BORA: variants seen among roughly 807,000 people sequenced by gnomAD.
BORA encodes the protein protein aurora borealis.
Under a neutral mutation model 55.8 loss-of-function variants are expected in BORA, and 26 were observed. The ratio of observed to expected loss-of-function variants is 0.47; its 90% confidence interval spans 0.34 to 0.65. The LOEUF is 0.65. BORA is among the 30% of genes least tolerant of loss of function. The pLI is 0.01. For missense variants in BORA, 568 were observed against 671.5 expected (o/e 0.85, Z 1.70); for synonymous variants, 201 against 216.9 (o/e 0.93, Z 0.64).
Position 72,756,173 on chromosome 13 carries a change from G to GAGAATAATTCATATGTACCCTTA in BORA, c.*957_*958insAGAATAATTCATATGTACCCTTA, listed in dbSNP as rs2033465445. 2.8e-6 allele frequency: 1 copy of GAGAATAATTCATATGTACCCTTA among 355,052 alleles called. No homozygotes were observed. The highest frequency in any genetic ancestry group is 4.9e-6 in the Non-Finnish European group (1 of 204,308). The allele number at this position is 355,052 out of a possible 1,614,324, so 22.0% of individuals were successfully genotyped here. A position where few individuals can be genotyped will look rare whatever the true frequency, so the allele number is the denominator to read the frequency against. ...CTTTTAAAAACTGTCTCATTCAAAA[G>GAGAATAATTCATATGTACCCTTA]GGAATAAAGACCTGTGTTATCAATG... On this transcript the variant is annotated 3_prime_UTR_variant, in exon 12 of 12. Transcript: ENST00000390667.
chr13:72,746,227 G>C, intron 9 of BORA, 151 bp downstream of exon 9: 3 of 875,020 alleles, frequency 3.4e-6, no homozygotes, highest in South Asian at 3.7e-5. Flanking sequence ...TAAAAGAACA[G>C]TTTACCTTCA....
At chr13:72,746,441 A>T in intron 9 of BORA, 60 bp from the exon 10 acceptor site, 2 of 1,516,332 alleles carry the variant, frequency 1.3e-6, no homozygotes, top group Non-Finnish European at 1.8e-6. Context: ...ACCATTTAGT[A>T]GTGACTTTTC....
chr13:72,755,076 A>G lies in BORA; in HGVS notation c.1615-75A>G. 4 of 1,300,376 alleles carry G rather than the reference A, an allele frequency of 3.1e-6. No homozygotes were observed. The South Asian group carries it at 4.8e-5, about 16-fold the overall frequency. The allele number at this position is 1,300,376 out of a possible 1,614,324, so 80.6% of individuals were successfully genotyped here. ...TAAAGAAACGTGCTTTTAGGTTTTA[A>G]AAACAGTCCCGATAATTGCATCCTC... is the stretch of plus-strand genomic sequence containing the variant. On this transcript the variant is annotated intron_variant, in intron 11 of 11. Transcript: ENST00000390667.
rs150454213 is a variant in BORA at position 72,746,918 on chromosome 13, A to G, written c.1289A>G (p.Asn430Ser). Reference protein sequence around the residue: ...LLQDVEREKDNNTVDMVDPIE... With the variant: ...LLQDVEREKDSNTVDMVDPIE... ...CAGGATGTTGAAAGGGAGAAAGACA[A>G]TAACACTGTGGATATGGTTGATCCT... Residue 430 changes from asparagine to serine, a missense_variant, in exon 10 of 12, where the codon AAT becomes AGT. Physicochemically the swap from Asn to Ser is conservative, Grantham distance 46. Coordinates refer to ENST00000390667, the MANE Select transcript of BORA (RefSeq NM_024808.5). The G allele has an allele frequency of 4.7e-5, 76 of 1,614,160 alleles. No homozygotes were observed. The East Asian group carries it at 9.6e-4, about 20-fold the overall frequency.
chr13:72,736,548 T>A (rs2032931939), intron 4 of BORA, among the ~76,000 whole-genome samples: 1 of 152,210 alleles, frequency 6.6e-6, no homozygotes, highest in Admixed American at 6.5e-5. Flanking sequence ...ATAACCAGCA[T>A]ATACAGATTT....
intron 3 of BORA, among the ~76,000 whole-genome samples, chr13:72,732,484 G>A (rs2138042645): frequency 6.6e-6 from 1 of 152,180 alleles, no homozygotes; most frequent in African/African-American, 2.4e-5. Context: ...AGACCAGGCT[G>A]GCCAACATAG....
chr13:72,755,628 G>C lies in BORA; in HGVS notation c.*412G>C. ...TTTTACATAAAAGCTTGAACATACA[G>C]ATGAATTATAACCTATGTGAAGAAA... On this transcript the variant is annotated 3_prime_UTR_variant, in exon 12 of 12. Transcript: ENST00000390667. The C allele has an allele frequency of 2.7e-6, 1 of 367,930 alleles. No individual in the cohort carries two copies. Among genetic ancestry groups the C allele is most frequent in the East Asian group, 4.0e-5 (1 of 25,000 alleles). 22.8% of individuals were successfully genotyped at this position (367,930 alleles called of 1,614,324 possible). A position where few individuals can be genotyped will look rare whatever the true frequency, so the allele number is the denominator to read the frequency against.
intron 5 of BORA, among the ~76,000 whole-genome samples, chr13:72,738,582 TTC>T (rs1321959474): frequency 6.6e-6 from 1 of 152,132 alleles, no homozygotes; most frequent in Non-Finnish European, 1.5e-5. Context: ...CATATATTTG[TTC>T]TCACTGCTCT....
At chr13:72,740,139 G>A (rs1360301963) in intron 5 of BORA, among the ~76,000 whole-genome samples, 6 of 152,098 alleles carry the variant, frequency 3.9e-5, no homozygotes, top group African/African-American at 1.4e-4. Flanking sequence ...AAACTGTGTC[G>A]GGTGAATGAG....
chr13:72,741,430 T>C lies in BORA; in HGVS notation c.389-2107T>C, dbSNP rs140328224. On this transcript the variant is annotated intron_variant, in intron 5 of 11. Coordinates refer to ENST00000390667, the MANE Select transcript of BORA (RefSeq NM_024808.5). ...TTTCATAGAAAATGTCTATTTGTAA[T>C]TCATTGATATGTTTCAATTGGAGTT... Among the ~76,000 whole-genome samples, 227 of 152,376 alleles carry C rather than the reference T, an allele frequency of 1.5e-3. 1 individual carries two copies. The highest frequency in any genetic ancestry group is 5.0e-3 in the African/African-American group (206 of 41,594).
chr13:72,728,675 ACTTCTC>A (rs2032741046), intron 1 of BORA, among the ~76,000 whole-genome samples: 1 of 152,206 alleles, frequency 6.6e-6, no homozygotes, highest in African/African-American at 2.4e-5. Flanking sequence ...AAGCCACTTC[ACTTCTC>A]TGAGCTTAAT....
intron 7 of BORA, 60 bp from the exon 8 acceptor site, chr13:72,744,921 A>G: frequency 6.7e-7 from 1 of 1,484,518 alleles, no homozygotes; most frequent in Non-Finnish European, 9.3e-7. Flanking sequence ...GTTGAGTAAC[A>G]GAAGTATAAT....
chr13:72,733,113 A>G (rs1318032730), intron 3 of BORA, among the ~76,000 whole-genome samples: 1 of 152,252 alleles, frequency 6.6e-6, no homozygotes, highest in African/African-American at 2.4e-5. Flanking sequence ...ATATAATTCA[A>G]TGAATGGTTA....
At position 72,743,556 on chromosome 13, in the gene BORA, C is replaced by CGAG; in HGVS notation, c.408_409insGAG (p.Asp136_Ser137insGlu). ...TTACAGGCACTAACATAAATAGTGA[C>CGAG]TCTCCAGTTGGAAAAAAGCTGACCA... On this transcript the variant is annotated inframe_insertion, in exon 6 of 12. Transcript: ENST00000390667. 3.1e-6 allele frequency: 5 copies of CGAG among 1,610,406 alleles called. No individual in the cohort carries two copies. Among genetic ancestry groups the CGAG allele is most frequent in the Non-Finnish European group, 4.2e-6 (5 of 1,177,840 alleles).
At chr13:72,753,890 G>C (rs1447347988) in intron 11 of BORA, 69 bp downstream of exon 11, 2 of 1,403,976 alleles carry the variant, frequency 1.4e-6, no homozygotes, top group Non-Finnish European at 9.8e-7. Flanking sequence ...TTGATTATTA[G>C]ACAATAGTAC....
intron 4 of BORA, among the ~76,000 whole-genome samples, chr13:72,737,499 A>C (rs1490512532): frequency 1.3e-5 from 2 of 152,168 alleles, no homozygotes; most frequent in African/African-American, 4.8e-5. Context: ...AAGTTTACAT[A>C]ATTTTATTTT....
intron 11 of BORA, 113 bp from the exon 12 acceptor site, chr13:72,755,038 T>G: frequency 1.2e-6 from 1 of 801,424 alleles, no homozygotes; most frequent in Non-Finnish European, 2.1e-6. Context: ...TTACTGTCCC[T>G]TCAGAGTTCA....
At chr13:72,737,518 G>C (rs1355151371) in intron 4 of BORA, among the ~76,000 whole-genome samples, 1 of 151,646 alleles carries the variant, frequency 6.6e-6, no homozygotes, top group Non-Finnish European at 1.5e-5. Context: ...TTTAATATTG[G>C]TTTTAACAAC....
chr13:72,748,015 T>C (rs2033188394), intron 10 of BORA, among the ~76,000 whole-genome samples: 1 of 152,224 alleles, frequency 6.6e-6, no homozygotes, highest in Admixed American at 6.5e-5. Flanking sequence ...GTTCCATTCA[T>C]TGTTGTGTTC....
Sources: allele counts gnomAD v4.1 joint callset (sites outside exome capture counted in the v4.1 genomes callset), GRCh38; gene constraint gnomAD v4.1.1; transcripts MANE v1.5; gene names NCBI Gene and HGNC (gene_info 2026-07-23, HGNC 2026-07-21).